Variants in SCN2A observed in about 807,000 individuals in gnomAD.
The protein encoded by SCN2A is sodium voltage-gated channel alpha subunit 2.
In SCN2A, 20 loss-of-function variants were observed where a neutral mutation model predicts 188.7. The ratio of observed to expected loss-of-function variants is 0.11; its 90% CI spans 0.07 to 0.15. The LOEUF is 0.15. SCN2A is among the 10% of genes least tolerant of loss of function. The probability of loss-of-function intolerance (pLI) is 1.00; values close to 1 mark genes in which losing one functional copy is unlikely to be tolerated. For missense variants in SCN2A, 1,278 were observed against 2,445.0 expected, an observed-to-expected ratio of 0.52 and a Z score of 10.07; for synonymous variants, 804 against 833.1, an observed-to-expected ratio of 0.97 and a Z score of 0.60.
chr2:165,320,870 C>A (rs11674103), intron 11 of SCN2A, among the ~76,000 whole-genome samples: 5 of 151,984 alleles, frequency 3.3e-5, no homozygotes, highest in South Asian at 4.1e-4. Flanking sequence ...CTGACATGCC[C>A]TGGAGACATT....
At chr2:165,370,749 A>G (rs1700981857) in intron 20 of SCN2A, 1 of 171,198 alleles carries the variant, frequency 5.8e-6, no homozygotes, top group African/African-American at 2.4e-5. Flanking sequence ...AAGAGACACC[A>G]CTTGATTTGT....
At chr2:165,267,396 C>T (rs1333333614) in intron 1 of SCN2A, 4 of 151,800 alleles carry the variant, frequency 2.6e-5, no homozygotes, top group East Asian at 3.9e-4. Context: ...AAATGGGAAA[C>T]GAACAGTCTC....
chr2:165,256,449 A>G (rs751671566), intron 1 of SCN2A, among the ~76,000 whole-genome samples: 3 of 152,154 alleles, frequency 2.0e-5, no homozygotes, highest in Non-Finnish European at 4.4e-5. Context: ...TACTATCTTT[A>G]ATGATAGCAT....
rs1417952201 is a variant in SCN2A, at chr2:165,323,214, T to G, written c.1730T>G (p.Leu577Arg). The change falls in exon 12 of 27, where the codon CTT (leucine) becomes CGT (arginine). Residue 577 changes from leucine (L) to arginine (R), a missense_variant. Coordinates refer to ENST00000375437, the MANE Select transcript of SCN2A (RefSeq NM_001040142.2). ...CCAAGACGCAACAGTAGGGCGAGCCTTTTCAGCTTCAGAGGTCGAGCAAAG... is the reference window on the plus strand; with the variant it reads ...CCAAGACGCAACAGTAGGGCGAGCCGTTTCAGCTTCAGAGGTCGAGCAAAG... ...FSPRRNSRAS[L>R]FSFRGRAKDI... 6.2e-7 allele frequency: 1 copy of G among 1,614,178 alleles called. No homozygotes were observed. Among genetic ancestry groups the G allele is most frequent in the Non-Finnish European group, 8.5e-7 (1 of 1,180,024 alleles).
At chr2:165,368,368 G>A (rs1041756378) in intron 19 of SCN2A, among the ~76,000 whole-genome samples, 2 of 152,156 alleles carry the variant, frequency 1.3e-5, no homozygotes, top group Non-Finnish European at 2.9e-5. Flanking sequence ...GGGTGGTTTT[G>A]GAAAAGGCAA....
chr2:165,322,781 C>T (rs567884681), intron 11 of SCN2A, among the ~76,000 whole-genome samples: 9 of 152,180 alleles, frequency 5.9e-5, no homozygotes, highest in African/African-American at 1.9e-4. Context: ...AATTGTTTTC[C>T]ATTGGGTTGT....
At chr2:165,378,122 C>T (rs3769955) in intron 23 of SCN2A, among the ~76,000 whole-genome samples, 63,094 of 150,854 alleles carry the variant, frequency 0.42, 13,347 homozygotes, top group East Asian at 0.54. Context: ...GGAGGGACTT[C>T]CCTAATCTAC....
intron 1 of SCN2A, chr2:165,268,162 A>G (rs1694953829): frequency 6.6e-6 from 1 of 152,070 alleles, no homozygotes. Flanking sequence ...ATAGAGAAAG[A>G]AGGAATCCAC....
chr2:165,244,196 C>T (rs567382222), intron 1 of SCN2A, among the ~76,000 whole-genome samples: 1 of 151,852 alleles, frequency 6.6e-6, no homozygotes, highest in South Asian at 2.1e-4. Flanking sequence ...GGACTGAGAT[C>T]GTGCCACTGC....
intron 1 of SCN2A, among the ~76,000 whole-genome samples, chr2:165,262,770 G>C (rs897128319): frequency 6.6e-6 from 1 of 152,222 alleles, no homozygotes; most frequent in East Asian, 1.9e-4. Flanking sequence ...ATACTCAGTA[G>C]TGGAATTGCT....
At chr2:165,347,351 C>G (rs955473776) in intron 16 of SCN2A, among the ~76,000 whole-genome samples, 1 of 151,566 alleles carries the variant, frequency 6.6e-6, no homozygotes, top group African/African-American at 2.4e-5. Flanking sequence ...AACAGAAAAC[C>G]AAACACTATA....
At chr2:165,382,556 C>T (rs1701656871) in intron 25 of SCN2A, among the ~76,000 whole-genome samples, 1 of 151,800 alleles carries the variant, frequency 6.6e-6, no homozygotes, top group Admixed American at 6.6e-5. Flanking sequence ...AAACTGGGTT[C>T]AAAGAAACCA....
intron 1 of SCN2A, among the ~76,000 whole-genome samples, chr2:165,265,500 TATATATATATATATA>T (rs1694813570): frequency 7.9e-6 from 1 of 126,964 alleles, no homozygotes; most frequent in East Asian, 2.4e-4. Context: ...TATATATATA[TATATATATATATATA>T]TTGCTGTGCA....
intron 20 of SCN2A, chr2:165,371,350 C>T (rs1701014291): frequency 1.3e-5 from 2 of 152,138 alleles, no homozygotes; most frequent in Admixed American, 6.6e-5. Flanking sequence ...ATGCTTATTG[C>T]TCATCTATTT....
At chr2:165,268,991 A>G (rs7566636) in intron 1 of SCN2A, 119,995 of 151,882 alleles carry the variant, frequency 0.79, 47,630 homozygotes, top group Non-Finnish European at 0.82. Flanking sequence ...GCTACTGGGT[A>G]GGGCTGTAGG....
At position 165,315,144 on chromosome 2, in the gene SCN2A, T is replaced by C. The variant is rs371083619; in HGVS notation, c.1384-327T>C. On this transcript the variant is annotated intron_variant, in intron 10 of 26. Coordinates refer to ENST00000375437, the MANE Select transcript of SCN2A (RefSeq NM_001040142.2). Reference sequence around the variant, plus strand: ...AATAGGAAGTCTTTAATTCCCATATTATTTCCTTCTTAAAATATTGTTTGA... The same window carrying C: ...AATAGGAAGTCTTTAATTCCCATATCATTTCCTTCTTAAAATATTGTTTGA... 3.7e-4 allele frequency among the ~76,000 whole-genome samples: 56 copies of C among 152,324 alleles called. 1 individual carries two copies. In the South Asian group the frequency reaches 0.011, roughly 31 times the overall value.
At chr2:165,330,220 T>C (rs967456840) in intron 13 of SCN2A, among the ~76,000 whole-genome samples, 13 of 152,156 alleles carry the variant, frequency 8.5e-5, no homozygotes, top group African/African-American at 3.1e-4. Context: ...AGAAGAAACC[T>C]TCCCTCTATT....
intron 20 of SCN2A, chr2:165,371,648 G>T (rs987805616): frequency 6.6e-6 from 1 of 152,196 alleles, no homozygotes; most frequent in Non-Finnish European, 1.5e-5. Context: ...GGTGAGGTAA[G>T]CCTTTGTAAT....
At position 165,377,579 on chromosome 2, in the gene SCN2A, A is replaced by T. The variant is rs1457996336; in HGVS notation, c.4255-18A>T. ...TATAATTTTGGGAAAAAAGAAAATG[A>T]TATGACTTTTCTTACAGGCCACGTT... On this transcript the variant is annotated intron_variant, in intron 22 of 26. Coordinates refer to ENST00000375437, the MANE Select transcript of SCN2A (RefSeq NM_001040142.2). The T allele has an allele frequency of 2.5e-6, 4 of 1,594,714 alleles. No individual in the cohort carries two copies. The highest frequency in any genetic ancestry group is 2.6e-6 in the Non-Finnish European group (3 of 1,166,664).
Sources: allele counts gnomAD v4.1 joint callset (sites outside exome capture counted in the v4.1 genomes callset), GRCh38; gene constraint gnomAD v4.1.1; transcripts MANE v1.5; gene names NCBI Gene and HGNC (gene_info 2026-07-23, HGNC 2026-07-21).